Variants in DYNC2I1 observed in about 807,000 individuals in gnomAD.
The protein encoded by DYNC2I1 is dynein 2 intermediate chain 1.
A neutral mutation model predicts 133.4 loss-of-function variants in DYNC2I1; 89 were observed. The ratio of observed to expected loss-of-function variants is 0.67; its 90% CI spans 0.56 to 0.80. The LOEUF is 0.80. Ranked by LOEUF, DYNC2I1 falls within the 30% of genes least tolerant of loss-of-function variation. DYNC2I1 has a pLI of 0.00. For synonymous variants in DYNC2I1, 504 were observed against 484.3 expected, an observed-to-expected ratio of 1.04 and a Z score of -0.54; for missense variants, 1,291 against 1,314.5, an observed-to-expected ratio of 0.98 and a Z score of 0.28.
At chr7:158,924,134 G>A (rs947312295) in intron 17 of DYNC2I1, among the ~76,000 whole-genome samples, 3 of 152,198 alleles carry the variant, frequency 2.0e-5, no homozygotes, top group East Asian at 1.9e-4. Flanking sequence ...GGCTTGACTC[G>A]GGTGGACATT....
chr7:158,927,480 G>GTGTA (rs1849741787), intron 20 of DYNC2I1, among the ~76,000 whole-genome samples: 1 of 151,056 alleles, frequency 6.6e-6, no homozygotes, highest in African/African-American at 2.4e-5. Flanking sequence ...AAAATTAAAG[G>GTGTA]TGTATGTCAT....
intron 11 of DYNC2I1, among the ~76,000 whole-genome samples, chr7:158,910,219 T>C (rs1847258613): frequency 6.6e-6 from 1 of 152,224 alleles, no homozygotes; most frequent in South Asian, 2.1e-4. Context: ...GAAAAGGAAC[T>C]GTTTGTGAAG....
downstream of DYNC2I1, among the ~76,000 whole-genome samples, chr7:158,948,685 G>T (rs1851960778): frequency 6.6e-6 from 1 of 152,116 alleles, no homozygotes; most frequent in African/African-American, 2.4e-5. Flanking sequence ...ATTCCTGGAG[G>T]CTACAGTCTG....
At chr7:158,905,895 T>C in intron 10 of DYNC2I1, 94 bp from the exon 11 acceptor site, 1 of 881,920 alleles carries the variant, frequency 1.1e-6, no homozygotes, top group Non-Finnish European at 1.8e-6. Context: ...ACTATAATTG[T>C]TATATATGCC....
chr7:158,876,523 G>A (rs1385797016), intron 3 of DYNC2I1, 86 bp from the exon 4 acceptor site: 12 of 1,457,190 alleles, frequency 8.2e-6, no homozygotes, highest in Non-Finnish European at 1.0e-5. Flanking sequence ...TATAAAATGT[G>A]CAATACCATC....
At chr7:158,856,777 G>T in intron 1 of DYNC2I1, 27 bp downstream of exon 1, 5 of 1,233,888 alleles carry the variant, frequency 4.1e-6, no homozygotes, top group Non-Finnish European at 5.1e-6. Flanking sequence ...GTCTGGGCGA[G>T]GGGTGGTCGA....
At chr7:158,901,355 A>G (rs180811332) in intron 8 of DYNC2I1, among the ~76,000 whole-genome samples, 238 of 152,322 alleles carry the variant, frequency 1.6e-3, no homozygotes, top group African/African-American at 5.4e-3. Flanking sequence ...TAAAGGTGTG[A>G]GCCACAGTGC....
chr7:158,909,726 T>C (rs899114106), intron 11 of DYNC2I1, among the ~76,000 whole-genome samples: 1 of 152,200 alleles, frequency 6.6e-6, no homozygotes, highest in African/African-American at 2.4e-5. Flanking sequence ...AGGCGATCCC[T>C]GTTTCCATTC....
At chr7:158,878,677 A>G (rs1158654091) in intron 4 of DYNC2I1, among the ~76,000 whole-genome samples, 1 of 142,312 alleles carries the variant, frequency 7.0e-6, no homozygotes, top group Non-Finnish European at 1.5e-5. Flanking sequence ...TGGGGTGGCC[A>G]GGAGGGTTGA....
intron 23 of DYNC2I1, among the ~76,000 whole-genome samples, chr7:158,936,663 A>C (rs918080124): frequency 1.3e-5 from 2 of 152,204 alleles, no homozygotes; most frequent in African/African-American, 4.8e-5. Context: ...AAAATTCTGC[A>C]CCTCAGCCAA....
intron 20 of DYNC2I1, among the ~76,000 whole-genome samples, 185 bp downstream of exon 20, chr7:158,927,228 C>T (rs1030858609): frequency 6.6e-6 from 1 of 151,788 alleles, no homozygotes; most frequent in African/African-American, 2.4e-5. Context: ...ATAGCAAGAC[C>T]CCGTCTCTAC....
chr7:158,880,067 C>T lies in DYNC2I1; in HGVS notation c.879+78C>T, dbSNP rs549042680. ...TCAGAGGAGGCTTACCGGGCGGTGT[C>T]GCCAGACAAGGTTGAGATTTGTGGC... On this transcript the variant is annotated intron_variant, in intron 5 of 24. Coordinates refer to ENST00000407559, the MANE Select transcript of DYNC2I1 (RefSeq NM_018051.5). 1.1e-4 allele frequency: 165 copies of T among 1,497,296 alleles called. No individual in the cohort carries two copies. The African/African-American group carries it at 1.7e-3, about 16-fold the overall frequency. The allele number at this position is 1,497,296 out of a possible 1,614,324, so 92.8% of individuals were successfully genotyped here.
chr7:158,841,632 A>G, the DYNC2I1 span, among the ~76,000 whole-genome samples: 2 of 152,260 alleles, frequency 1.3e-5, no homozygotes, highest in East Asian at 1.9e-4. Flanking sequence ...ATTATAAGAT[A>G]GAATGTAACT....
intron 16 of DYNC2I1, 92 bp from the exon 17 acceptor site, chr7:158,923,479 C>T: frequency 6.3e-7 from 1 of 1,576,180 alleles, no homozygotes; most frequent in South Asian, 1.1e-5. Context: ...CAAAGTGAAA[C>T]ATGGTCAGAC....
intron 3 of DYNC2I1, among the ~76,000 whole-genome samples, chr7:158,872,428 T>A (rs1842967955): frequency 6.6e-6 from 1 of 151,648 alleles, no homozygotes; most frequent in African/African-American, 2.4e-5. Flanking sequence ...AGGTCAGGAG[T>A]TCGAAACCAG....
intron 21 of DYNC2I1, among the ~76,000 whole-genome samples, chr7:158,932,225 C>T (rs531838311): frequency 3.5e-4 from 54 of 152,230 alleles, no homozygotes; most frequent in African/African-American, 8.7e-4. Flanking sequence ...GTGCAGAGGA[C>T]GAAGTGTGCT....
the DYNC2I1 span, among the ~76,000 whole-genome samples, chr7:158,841,158 A>AAT: frequency 4.1e-4 from 27 of 66,490 alleles, no homozygotes; most frequent in South Asian, 7.5e-4. Flanking sequence ...TAGGTCTGCA[A>AAT]ATATATATAT....
chr7:158,849,919 C>T, the DYNC2I1 span, among the ~76,000 whole-genome samples: 1 of 152,254 alleles, frequency 6.6e-6, no homozygotes, highest in Non-Finnish European at 1.5e-5. Flanking sequence ...TGTAGGACTG[C>T]AGCCTGGCCT....
At chr7:158,923,472 A>G in intron 16 of DYNC2I1, 99 bp from the exon 17 acceptor site, 10 of 1,555,398 alleles carry the variant, frequency 6.4e-6, no homozygotes, top group Non-Finnish European at 8.0e-6. Context: ...TCCCGTGCAA[A>G]GTGAAACATG....
Sources: gnomAD v4.1 joint callset for allele counts (sites outside exome capture counted in the v4.1 genomes callset) on GRCh38, gnomAD v4.1.1 for gene constraint, MANE v1.5 for transcripts, NCBI Gene and HGNC (gene_info 2026-07-23, HGNC 2026-07-21) for gene names.